The following ABCC4 variants were observed in gnomAD, a reference collection of about 807,000 sequenced individuals.
ABCC4 encodes the protein ATP binding cassette subfamily C member 4 (PEL blood group).
Under a neutral mutation model 168.5 loss-of-function variants are expected in ABCC4, and 102 were observed. The ratio of observed to expected loss-of-function variants is 0.61; its 90% CI spans 0.52 to 0.71. The LOEUF (loss-of-function observed/expected upper bound fraction) is 0.71, where lower values mean the gene tolerates loss of function less well. Ranked by LOEUF, ABCC4 falls within the 30% of genes least tolerant of loss-of-function variation. ABCC4 has a pLI of 0.00. For synonymous variants in ABCC4, 617 were observed against 590.7 expected (o/e 1.04, Z -0.65); for missense variants, 1,402 against 1,605.8 (o/e 0.87, Z 2.17).
chr13:95,279,569 C>T (rs2041060794), intron 1 of ABCC4, among the ~76,000 whole-genome samples: 1 of 152,140 alleles, frequency 6.6e-6, no homozygotes, highest in African/African-American at 2.4e-5. Context: ...ATAAGGAGGG[C>T]AGTACCTCTT....
chr13:95,157,655 G>T (rs552257814), intron 19 of ABCC4, among the ~76,000 whole-genome samples: 9 of 152,280 alleles, frequency 5.9e-5, no homozygotes, highest in African/African-American at 2.2e-4. Flanking sequence ...TTAACGAAAG[G>T]CCAGTAGATA....
At chr13:95,208,771 C>T (rs1041851939) in intron 6 of ABCC4, among the ~76,000 whole-genome samples, 2 of 151,908 alleles carry the variant, frequency 1.3e-5, no homozygotes, top group Non-Finnish European at 2.9e-5. Flanking sequence ...CAGGCGTGTA[C>T]CACCATGCCC....
chr13:95,111,326 T>C (rs1301127233), intron 20 of ABCC4, among the ~76,000 whole-genome samples: 1 of 152,252 alleles, frequency 6.6e-6, no homozygotes, highest in East Asian at 1.9e-4. Context: ...ATAAGCCAGA[T>C]GTGCACTGCC....
intron 25 of ABCC4, among the ~76,000 whole-genome samples, chr13:95,068,852 G>T (rs1227864845): frequency 6.6e-6 from 1 of 152,204 alleles, no homozygotes; most frequent in East Asian, 1.9e-4. Context: ...GATCAGGTAG[G>T]ACCTAATAAC....
At chr13:95,196,891 A>C (rs965009480) in intron 8 of ABCC4, among the ~76,000 whole-genome samples, 2 of 152,128 alleles carry the variant, frequency 1.3e-5, no homozygotes, top group African/African-American at 4.8e-5. Flanking sequence ...ACCACTCCCT[A>C]AGGATCTTCT....
At chr13:95,091,000 T>C (rs973581920) in intron 20 of ABCC4, among the ~76,000 whole-genome samples, 7 of 151,990 alleles carry the variant, frequency 4.6e-5, no homozygotes, top group African/African-American at 1.7e-4. Flanking sequence ...GTCTCAGCAA[T>C]AGAACTGAAT....
intron 4 of ABCC4, among the ~76,000 whole-genome samples, chr13:95,227,423 C>T (rs2039496414): frequency 6.6e-6 from 1 of 152,078 alleles, no homozygotes; most frequent in Non-Finnish European, 1.5e-5. Flanking sequence ...GTTTTTGAAA[C>T]AAAAATTTTA....
At chr13:95,072,785 C>T (rs1328883295) in intron 24 of ABCC4, among the ~76,000 whole-genome samples, 2 of 152,092 alleles carry the variant, frequency 1.3e-5, no homozygotes, top group African/African-American at 2.4e-5. Context: ...AGAGAGTAAA[C>T]GCTAGAACTG....
intron 27 of ABCC4, among the ~76,000 whole-genome samples, chr13:95,047,476 C>CTTTTTTTTTTTTTTTTTTTTTTTTT: frequency 1.2e-5 from 1 of 83,370 alleles, no homozygotes; most frequent in Non-Finnish European, 2.1e-5. Context: ...ACTGCCTATT[C>CTTTTTTTTTTTTTTTTTTTTTTTTT]TTTTTTTTTT....
At chr13:95,185,881 A>G (rs974302879) in intron 11 of ABCC4, among the ~76,000 whole-genome samples, 1 of 152,080 alleles carries the variant, frequency 6.6e-6, no homozygotes, top group African/African-American at 2.4e-5. Context: ...TGAAAAATAA[A>G]TTTTAAAACA....
chr13:95,078,915 C>T (rs574277036), intron 21 of ABCC4, among the ~76,000 whole-genome samples: 8 of 152,282 alleles, frequency 5.3e-5, no homozygotes, highest in Admixed American at 2.0e-4. Flanking sequence ...AGATCCAAGT[C>T]GCCACTGTTT....
intron 1 of ABCC4, among the ~76,000 whole-genome samples, chr13:95,280,555 G>T (rs2041092071): frequency 7.4e-6 from 1 of 134,536 alleles, no homozygotes; most frequent in Non-Finnish European, 1.5e-5. Context: ...GCTGCCATTT[G>T]CTGTTTTGCC....
chr13:95,224,075 A>G (rs900943482), intron 4 of ABCC4, among the ~76,000 whole-genome samples: 1 of 152,128 alleles, frequency 6.6e-6, no homozygotes, highest in Non-Finnish European at 1.5e-5. Context: ...TTACAATAAT[A>G]AAAAGAATCA....
At chr13:95,290,074 C>T (rs764766259) in intron 1 of ABCC4, among the ~76,000 whole-genome samples, 46 of 150,788 alleles carry the variant, frequency 3.1e-4, no homozygotes, top group Non-Finnish European at 5.9e-4. Context: ...CCAGCCTGGG[C>T]AACAAGAGCA....
chr13:95,033,379 A>T (rs535133654), intron 30 of ABCC4, among the ~76,000 whole-genome samples: 1 of 152,248 alleles, frequency 6.6e-6, no homozygotes, highest in East Asian at 1.9e-4. Flanking sequence ...TTCCACCCTA[A>T]GCCAAGAACA....
chr13:95,193,573 C>T (rs933875550), intron 9 of ABCC4, among the ~76,000 whole-genome samples: 144 of 152,368 alleles, frequency 9.5e-4, no homozygotes, highest in Non-Finnish European at 1.7e-3. Flanking sequence ...CTCTCCCATG[C>T]TGTGTGTTCT....
intron 4 of ABCC4, among the ~76,000 whole-genome samples, chr13:95,215,219 G>A (rs185176399): frequency 7.2e-5 from 11 of 152,084 alleles, no homozygotes; most frequent in Non-Finnish European, 1.0e-4. Context: ...TCAGGAGTTC[G>A]CGACCAGCCT....
At chr13:95,274,978 G>A (rs2040938247) in intron 1 of ABCC4, among the ~76,000 whole-genome samples, 1 of 152,198 alleles carries the variant, frequency 6.6e-6, no homozygotes, top group South Asian at 2.1e-4. Flanking sequence ...TCAGGAGGCT[G>A]AAGCAGGATA....
intron 20 of ABCC4, among the ~76,000 whole-genome samples, chr13:95,104,403 C>A (rs915413577): frequency 6.6e-6 from 1 of 152,220 alleles, no homozygotes; most frequent in Non-Finnish European, 1.5e-5. Context: ...CATGAAAAAA[C>A]ATGTCCGGGT....
Sources: allele counts gnomAD v4.1 joint callset (sites outside exome capture counted in the v4.1 genomes callset), GRCh38; gene constraint gnomAD v4.1.1; transcripts MANE v1.5; gene names NCBI Gene and HGNC (gene_info 2026-07-23, HGNC 2026-07-21).